TBC1D32: variants seen among roughly 807,000 people sequenced by gnomAD.
TBC1D32 encodes TBC1 domain family member 32.
In TBC1D32, 151 loss-of-function variants were observed where a neutral mutation model predicts 170.3. The observed-to-expected ratio is 0.89, with a 90% confidence interval of 0.78 to 1.01. The LOEUF is 1.01. TBC1D32 is among the 50% of genes least tolerant of loss of function. The pLI is 0.00. For synonymous variants in TBC1D32, 498 were observed against 488.0 expected, an observed-to-expected ratio of 1.02 and a Z score of -0.27; for missense variants, 1,464 against 1,457.1, an observed-to-expected ratio of 1.00 and a Z score of -0.08.
chr6:121,201,405 T>C (rs1583193614), intron 22 of TBC1D32, among the ~76,000 whole-genome samples: 1 of 151,342 alleles, frequency 6.6e-6, no homozygotes, highest in East Asian at 1.9e-4. Flanking sequence ...GAACTACTTT[T>C]TAACACAGGT....
At chr6:121,162,160 G>A (rs2128245893) in intron 22 of TBC1D32, among the ~76,000 whole-genome samples, 1 of 152,288 alleles carries the variant, frequency 6.6e-6, no homozygotes, top group Non-Finnish European at 1.5e-5. Context: ...CCACTCTGAT[G>A]ATAGTTTATT....
intron 15 of TBC1D32, among the ~76,000 whole-genome samples, chr6:121,260,535 C>T (rs1020408443): frequency 2.0e-5 from 3 of 151,542 alleles, no homozygotes; most frequent in African/African-American, 7.3e-5. Context: ...TATGGCAGCC[C>T]ACCTTAGATC....
intron 22 of TBC1D32, among the ~76,000 whole-genome samples, chr6:121,201,194 T>C (rs1039553749): frequency 6.6e-6 from 1 of 151,216 alleles, no homozygotes; most frequent in Non-Finnish European, 1.5e-5. Context: ...AGAATACGTA[T>C]TCAATAAATA....
intron 15 of TBC1D32, among the ~76,000 whole-genome samples, chr6:121,260,957 G>A (rs1799682737): frequency 6.6e-6 from 1 of 152,154 alleles, no homozygotes; most frequent in Non-Finnish European, 1.5e-5. Flanking sequence ...GGAAATTCAG[G>A]AGGCTGAACG....
At chr6:121,097,270 A>G (rs1339659348) in intron 30 of TBC1D32, among the ~76,000 whole-genome samples, 2 of 152,142 alleles carry the variant, frequency 1.3e-5, no homozygotes, top group African/African-American at 4.8e-5. Context: ...AACCTACAGA[A>G]TGGGAAAAAA....
chr6:121,102,048 G>A (rs188546458), intron 30 of TBC1D32, among the ~76,000 whole-genome samples: 9 of 151,874 alleles, frequency 5.9e-5, no homozygotes, highest in Non-Finnish European at 1.2e-4. Flanking sequence ...GAAGGACCTC[G>A]TCAAGGAGAA....
rs1281196262 is a variant in TBC1D32, at chr6:121,079,541, A to G, written c.*1230T>C. On this transcript the variant is annotated 3_prime_UTR_variant, in exon 32 of 32. Coordinates refer to ENST00000398212, the MANE Select transcript of TBC1D32 (RefSeq NM_152730.6). Reference sequence around the variant, plus strand: ...GGTTGATTTATATTTAGATACAAGGAAAGAATAAAAAACAGTATCTACAAT... The same window carrying G: ...GGTTGATTTATATTTAGATACAAGGGAAGAATAAAAAACAGTATCTACAAT... The G allele has an allele frequency of 6.6e-6, 1 of 152,144 alleles. No individual in the cohort carries two copies. Among genetic ancestry groups the G allele is most frequent in the East Asian group, 1.9e-4 (1 of 5,200 alleles). 9.4% of individuals were successfully genotyped at this position (152,144 alleles called of 1,614,324 possible). A position where few individuals can be genotyped will look rare whatever the true frequency, so the allele number is the denominator to read the frequency against.
chr6:121,285,775 T>C (rs1303686493), intron 12 of TBC1D32, among the ~76,000 whole-genome samples: 1 of 152,100 alleles, frequency 6.6e-6, no homozygotes, highest in Non-Finnish European at 1.5e-5. Flanking sequence ...GGCCAGGTAC[T>C]CCTCTGAGAC....
intron 24 of TBC1D32, among the ~76,000 whole-genome samples, chr6:121,143,879 T>C (rs1783107271): frequency 1.3e-5 from 2 of 152,126 alleles, no homozygotes; most frequent in Non-Finnish European, 2.9e-5. Flanking sequence ...AAAATGAAGC[T>C]GGACATGCTT....
intron 17 of TBC1D32, among the ~76,000 whole-genome samples, chr6:121,252,879 T>G (rs996486541): frequency 5.9e-5 from 9 of 152,020 alleles, no homozygotes; most frequent in African/African-American, 2.2e-4. Context: ...ATTTAATAAA[T>G]GGTGCTGGGA....
At chr6:121,242,412 T>C (rs2128364345) in intron 17 of TBC1D32, 73 bp from the exon 18 acceptor site, 2 of 1,452,100 alleles carry the variant, frequency 1.4e-6, no homozygotes, top group African/African-American at 1.4e-5. Context: ...ATGTCTTAGC[T>C]GAGCTTAACC....
chr6:121,116,323 A>G (rs1043775918), intron 26 of TBC1D32, among the ~76,000 whole-genome samples: 2 of 152,190 alleles, frequency 1.3e-5, no homozygotes, highest in Admixed American at 6.6e-5. Context: ...TAAAAGATAA[A>G]TCATACCCTA....
intron 1 of TBC1D32, among the ~76,000 whole-genome samples, chr6:121,322,946 G>C (rs1809949224): frequency 6.6e-6 from 1 of 151,708 alleles, no homozygotes; most frequent in South Asian, 2.1e-4. Flanking sequence ...CCCCATATAT[G>C]GCCTCTTATC....
chr6:121,112,068 C>CTCAGTA (rs1298328811), intron 29 of TBC1D32, among the ~76,000 whole-genome samples: 6 of 152,042 alleles, frequency 3.9e-5, no homozygotes, highest in African/African-American at 1.4e-4. Context: ...TTAATAAACA[C>CTCAGTA]TCAGTATAGA....
At chr6:121,325,253 T>C (rs983797991) in intron 1 of TBC1D32, among the ~76,000 whole-genome samples, 2 of 149,526 alleles carry the variant, frequency 1.3e-5, no homozygotes, top group Non-Finnish European at 3.0e-5. Flanking sequence ...ACCACAACCA[T>C]GCATCACAAC....
chr6:121,284,175 T>C (rs1803452288), intron 12 of TBC1D32, among the ~76,000 whole-genome samples: 1 of 152,068 alleles, frequency 6.6e-6, no homozygotes, highest in Non-Finnish European at 1.5e-5. Flanking sequence ...AAGATAAACC[T>C]ATGCTAGGAA....
chr6:121,248,135 G>A (rs1797856901), intron 17 of TBC1D32, among the ~76,000 whole-genome samples: 1 of 151,716 alleles, frequency 6.6e-6, no homozygotes, highest in Admixed American at 6.6e-5. Flanking sequence ...AGACTGCAGT[G>A]GAATAAAATT....
intron 9 of TBC1D32, among the ~76,000 whole-genome samples, chr6:121,300,090 T>C (rs1294802594): frequency 6.6e-6 from 1 of 152,212 alleles, no homozygotes; most frequent in Non-Finnish European, 1.5e-5. Context: ...AAATATTGTT[T>C]AGCTGGATTA....
rs573641917 is a variant in TBC1D32, at chr6:121,274,123, G to A, written c.1733+4998C>T. On this transcript the variant is annotated intron_variant, in intron 15 of 31. Coordinates refer to ENST00000398212, the MANE Select transcript of TBC1D32 (RefSeq NM_152730.6). ...GCCAAGGCGGGCAGATCATGAGGTC[G>A]GGAGGTGGAGACCAGCCTGGCCAAT... Among the ~76,000 whole-genome samples the A allele has an allele frequency of 2.1e-3, 314 of 152,056 alleles. 1 individual carries two copies. Among genetic ancestry groups the A allele is most frequent in the African/African-American group, 7.2e-3 (300 of 41,496 alleles).
Sources: gnomAD v4.1 joint callset for allele counts (sites outside exome capture counted in the v4.1 genomes callset) on GRCh38, gnomAD v4.1.1 for gene constraint, MANE v1.5 for transcripts, NCBI Gene and HGNC (gene_info 2026-07-23, HGNC 2026-07-21) for gene names.